GSKIP: variants seen among roughly 807,000 people sequenced by gnomAD.
GSKIP encodes the protein GSK3B-interacting protein.
A neutral mutation model predicts 11.9 loss-of-function variants in GSKIP; 5 were observed. The ratio of observed to expected loss-of-function variants is 0.42; its 90% CI spans 0.22 to 0.89. GSKIP has a LOEUF of 0.89. Among genes scored for constraint, GSKIP ranks in the 40% least tolerant of loss-of-function variants. The probability of loss-of-function intolerance (pLI) is 0.29; values close to 1 mark genes in which losing one functional copy is unlikely to be tolerated. For missense variants in GSKIP, 150 were observed against 166.6 expected, an observed-to-expected ratio of 0.90 and a Z score of 0.55; for synonymous variants, 70 against 62.9, an observed-to-expected ratio of 1.11 and a Z score of -0.54.
rs1889516425 is a variant in GSKIP at position 96,387,274 on chromosome 14, A to C, written c.*1590A>C. 1 of 152,228 alleles carries C rather than the reference A, an allele frequency of 6.6e-6. No individual in the cohort carries two copies. Among genetic ancestry groups the C allele is most frequent in the Non-Finnish European group, 1.5e-5 (1 of 68,040 alleles). The allele number at this position is 152,228 out of a possible 1,614,324, so 9.4% of individuals were successfully genotyped here. A position where few individuals can be genotyped will look rare whatever the true frequency, so the allele number is the denominator to read the frequency against. On this transcript the variant is annotated 3_prime_UTR_variant, in exon 4 of 4. Transcript: ENST00000555181. The stretch of plus-strand genomic sequence containing the variant: ...AATTGAAATTGTTCATTTTGTGATA[A>C]ATGATTAATTCCAAGAGCTTGTTTC...
chr14:96,367,267 G>A (rs1888912463), intron 1 of GSKIP, among the ~76,000 whole-genome samples: 1 of 152,196 alleles, frequency 6.6e-6, no homozygotes, highest in Non-Finnish European at 1.5e-5. Context: ...GACTGAGAAA[G>A]ATTAAAACAT....
At chr14:96,382,185 T>C (rs1445014062) in intron 2 of GSKIP, 62 bp from the exon 3 acceptor site, 1 of 1,153,320 alleles carries the variant, frequency 8.7e-7, no homozygotes, top group Non-Finnish European at 1.2e-6. Context: ...TTTAATCAAA[T>C]GTAGTAGTTT....
In GSKIP at chr14:96,385,549, A is replaced by C; in HGVS notation, c.285A>C (p.Val95=). Residue 95 remains valine, a synonymous_variant, in exon 4 of 4, where the codon GTA becomes GTC. Transcript: ENST00000555181. ...LKVVGYAFDQ[V]DDHLQTPYHE... ...TGGTAGGCTATGCTTTTGACCAGGT[A>C]GATGATCATTTACAGACTCCCTACC... 6.2e-7 allele frequency: 1 copy of C among 1,612,376 alleles called. No homozygotes were observed. Among genetic ancestry groups the C allele is most frequent in the Non-Finnish European group, 8.5e-7 (1 of 1,179,240 alleles).
chr14:96,368,901 G>C (rs868315427), intron 1 of GSKIP, among the ~76,000 whole-genome samples: 1 of 152,188 alleles, frequency 6.6e-6, no homozygotes, highest in African/African-American at 2.4e-5. Flanking sequence ...CTTTAGAACT[G>C]GGTAATGGGC....
At chr14:96,375,998 T>C (rs1229540894) in intron 1 of GSKIP, among the ~76,000 whole-genome samples, 2 of 152,230 alleles carry the variant, frequency 1.3e-5, no homozygotes, top group Non-Finnish European at 2.9e-5. Context: ...CCCAGTCACC[T>C]CTTAAGGCTT....
At chr14:96,380,212 T>G (rs1269291780) in intron 2 of GSKIP, 2 of 152,232 alleles carry the variant, frequency 1.3e-5, no homozygotes, top group Admixed American at 6.5e-5. Flanking sequence ...TTCTGTAAAG[T>G]GCTGTGAGAG....
intron 1 of GSKIP, among the ~76,000 whole-genome samples, chr14:96,368,736 TTCTC>T (rs978336118): frequency 6.6e-6 from 1 of 152,066 alleles, no homozygotes; most frequent in Admixed American, 6.6e-5. Context: ...TACTCCCTCT[TTCTC>T]TCTCACTTCC....
At chr14:96,384,939 A>C (rs1357112164) in intron 3 of GSKIP, 2 of 152,166 alleles carry the variant, frequency 1.3e-5, no homozygotes, top group African/African-American at 4.8e-5. Context: ...AAAGCTAAAC[A>C]GTTATTAAAA....
chr14:96,381,990 T>G (rs1454284854), intron 2 of GSKIP, among the ~76,000 whole-genome samples: 1 of 152,190 alleles, frequency 6.6e-6, no homozygotes, highest in African/African-American at 2.4e-5. Context: ...ATATTCTAAA[T>G]GCTTATCAAT....
At chr14:96,373,572 T>G (rs1405821427) in intron 1 of GSKIP, among the ~76,000 whole-genome samples, 1 of 152,110 alleles carries the variant, frequency 6.6e-6, no homozygotes, top group East Asian at 1.9e-4. Context: ...TATTTTCATG[T>G]GTTTAATAAT....
At chr14:96,367,775 C>T (rs1443339) in intron 1 of GSKIP, among the ~76,000 whole-genome samples, 3 of 152,182 alleles carry the variant, frequency 2.0e-5, no homozygotes, top group Non-Finnish European at 4.4e-5. Flanking sequence ...GAGCTGGTTC[C>T]TAAATAATTT....
intron 2 of GSKIP, chr14:96,380,190 G>A (rs1272698311): frequency 3.3e-5 from 5 of 152,138 alleles, no homozygotes; most frequent in Admixed American, 6.5e-5. Context: ...GTTGTTTGTA[G>A]CGAGTGACTA....
chr14:96,372,675 G>A (rs575152307), intron 1 of GSKIP, among the ~76,000 whole-genome samples: 3 of 152,312 alleles, frequency 2.0e-5, no homozygotes, highest in African/African-American at 7.2e-5. Context: ...AATATGGTGA[G>A]CCTGTTGCCC....
chr14:96,380,007 C>T (rs1889303941), intron 2 of GSKIP: 1 of 152,042 alleles, frequency 6.6e-6, no homozygotes, highest in African/African-American at 2.4e-5. Context: ...AAAGAAAGGG[C>T]TCATTTTGTA....
intron 3 of GSKIP, among the ~76,000 whole-genome samples, chr14:96,382,741 T>C (rs1889382999): frequency 6.6e-6 from 1 of 152,296 alleles, no homozygotes; most frequent in African/African-American, 2.4e-5. Context: ...GTGACTTTGT[T>C]TTAATCATGA....
At chr14:96,384,375 T>C (rs1005786011) in intron 3 of GSKIP, among the ~76,000 whole-genome samples, 1 of 151,974 alleles carries the variant, frequency 6.6e-6, no homozygotes, top group Non-Finnish European at 1.5e-5. Context: ...TCCTTAGGTG[T>C]CTGCCTCTGC....
chr14:96,384,433 T>C (rs985548734), intron 3 of GSKIP, among the ~76,000 whole-genome samples: 1 of 152,098 alleles, frequency 6.6e-6, no homozygotes, highest in Non-Finnish European at 1.5e-5. Context: ...TAACACAAAC[T>C]TTCACCTCCT....
At chr14:96,372,005 C>A (rs528056881) in intron 1 of GSKIP, among the ~76,000 whole-genome samples, 1 of 152,114 alleles carries the variant, frequency 6.6e-6, no homozygotes, top group South Asian at 2.1e-4. Flanking sequence ...CTTTTAGAGG[C>A]AAAGGAAACC....
At chr14:96,381,920 A>G (rs1052231792) in intron 2 of GSKIP, among the ~76,000 whole-genome samples, 2 of 152,236 alleles carry the variant, frequency 1.3e-5, no homozygotes, top group African/African-American at 4.8e-5. Flanking sequence ...ATAATTATAC[A>G]TTTAAAAATA....
Sources: gnomAD v4.1 joint callset for allele counts (sites outside exome capture counted in the v4.1 genomes callset) on GRCh38, gnomAD v4.1.1 for gene constraint, MANE v1.5 for transcripts, NCBI Gene and HGNC (gene_info 2026-07-23, HGNC 2026-07-21) for gene names.